Variants in RYR2 observed in about 807,000 individuals in gnomAD.
RYR2 encodes the protein ryanodine receptor 2, also known as cardiac muscle ryanodine receptor-calcium release channel.
RYR2 carries 227 observed loss-of-function variants against 601.1 expected under a neutral mutation model. That is an observed-to-expected ratio of 0.38 (90% confidence interval 0.34 to 0.42). RYR2 has a LOEUF of 0.42. RYR2 is among the 10% of genes least tolerant of loss of function. The pLI, the probability that RYR2 is intolerant of heterozygous loss-of-function variation, is 1.00. For missense variants in RYR2, 4,646 were observed against 6,156.5 expected (o/e 0.75, Z 8.21); for synonymous variants, 2,223 against 2,175.1 (o/e 1.02, Z -0.61).
rs772768256 is a variant in RYR2 at position 237,757,703 on chromosome 1, C to G, written c.11252C>G (p.Thr3751Ser). Reference protein sequence around the residue: ...LQTISASKGETGPMVAATLKL... With the variant: ...LQTISASKGESGPMVAATLKL... ...ACTTTTTTATATTTCTTAGGTGAAACTGGACCAATGGTAGCAGCTACTCTG... is the reference window on the plus strand; with the variant it reads ...ACTTTTTTATATTTCTTAGGTGAAAGTGGACCAATGGTAGCAGCTACTCTG... Residue 3751 changes from threonine to serine, a missense_variant, in exon 82 of 105, where the codon ACT becomes AGT. Around this residue, in one of 17 missense-constraint regions of RYR2, gnomAD observed 1,497 missense variants for 1,842.6 expected, o/e 0.81. Transcript: ENST00000366574. 2.5e-6 allele frequency: 4 copies of G among 1,606,614 alleles called. No homozygotes were observed. In the East Asian group the frequency reaches 8.9e-5, roughly 36 times the overall value.
At chr1:237,253,178 AAAAC>A (rs1325313782) in intron 1 of RYR2, among the ~76,000 whole-genome samples, 5 of 150,356 alleles carry the variant, frequency 3.3e-5, no homozygotes, top group Admixed American at 1.3e-4. Flanking sequence ...AAAAAAAAAA[AAAAC>A]AACAACAAAA....
intron 1 of RYR2, among the ~76,000 whole-genome samples, chr1:237,108,625 A>T (rs577371387): frequency 2.2e-4 from 34 of 152,326 alleles, no homozygotes; most frequent in African/African-American, 7.5e-4. Context: ...CATAGGAAGT[A>T]GAGAGGGCTG....
intron 48 of RYR2, among the ~76,000 whole-genome samples, chr1:237,646,097 T>C (rs1486701544): frequency 6.6e-6 from 1 of 152,140 alleles, no homozygotes; most frequent in Non-Finnish European, 1.5e-5. Flanking sequence ...CAGGATGGTC[T>C]CGATCTCCTG....
intron 71 of RYR2, among the ~76,000 whole-genome samples, chr1:237,713,558 CCA>C (rs1256700126): frequency 1.3e-5 from 2 of 151,916 alleles, no homozygotes; most frequent in African/African-American, 4.8e-5. Flanking sequence ...GCCACCATGC[CCA>C]GTTAATTTTC....
intron 14 of RYR2, among the ~76,000 whole-genome samples, chr1:237,452,746 T>C (rs1403099849): frequency 6.6e-6 from 1 of 151,400 alleles, no homozygotes; most frequent in African/African-American, 2.4e-5. Flanking sequence ...GATTCTACTA[T>C]CTTTGGATTT....
intron 4 of RYR2, among the ~76,000 whole-genome samples, chr1:237,359,611 A>T (rs1699598919): frequency 6.6e-6 from 1 of 152,298 alleles, no homozygotes; most frequent in African/African-American, 2.4e-5. Context: ...TCAAAGGTCC[A>T]TCAATCACTT....
chr1:237,534,239 C>T (rs1468015676), intron 25 of RYR2, among the ~76,000 whole-genome samples: 1 of 151,876 alleles, frequency 6.6e-6, no homozygotes, highest in Non-Finnish European at 1.5e-5. Context: ...AAGAAGGCCA[C>T]TATATGGAGA....
At chr1:237,320,442 T>C (rs1475873398) in intron 2 of RYR2, among the ~76,000 whole-genome samples, 4 of 152,176 alleles carry the variant, frequency 2.6e-5, no homozygotes, top group African/African-American at 9.7e-5. Context: ...GATGGACTTT[T>C]TGGTTACTGT....
intron 80 of RYR2, among the ~76,000 whole-genome samples, chr1:237,746,711 T>C: frequency 6.6e-6 from 1 of 152,130 alleles, no homozygotes; most frequent in East Asian, 1.9e-4. Flanking sequence ...GAGCTACTTC[T>C]CTATCAAAAG....
At chr1:237,125,215 A>C (rs1021803494) in intron 1 of RYR2, among the ~76,000 whole-genome samples, 1 of 152,132 alleles carries the variant, frequency 6.6e-6, no homozygotes, top group African/African-American at 2.4e-5. Context: ...TTACTTGGTC[A>C]CTGTGGAGAA....
At position 237,294,225 on chromosome 1, in the gene RYR2, CTTA is replaced by C. The variant is rs991680620; in HGVS notation, c.168+23614_168+23616del. ...TGGGGAAGTGAGCAAGTGTACATTT[CTTA>C]TTATATCACAGTATCACAAGAGTTA... On this transcript the variant is annotated intron_variant, in intron 2 of 104. Transcript: ENST00000366574. Among the ~76,000 whole-genome samples, 31 of 152,238 alleles carry C rather than the reference CTTA, an allele frequency of 2.0e-4. 1 individual carries two copies. Among genetic ancestry groups the C allele is most frequent in the African/African-American group, 7.5e-4 (31 of 41,548 alleles).
chr1:237,426,133 A>G (rs6674675), intron 12 of RYR2, among the ~76,000 whole-genome samples: 50,311 of 151,874 alleles, frequency 0.33, 8,803 homozygotes, highest in Admixed American at 0.37. Flanking sequence ...TTCTGAAAAG[A>G]CAGTATCCTG....
intron 8 of RYR2, among the ~76,000 whole-genome samples, chr1:237,382,077 G>T (rs1701568556): frequency 6.6e-6 from 1 of 152,074 alleles, no homozygotes; most frequent in African/African-American, 2.4e-5. Context: ...ATTTTTTTCT[G>T]TGTGTTAGGT....
chr1:237,301,023 A>G (rs1693294879), intron 2 of RYR2, among the ~76,000 whole-genome samples: 3 of 152,100 alleles, frequency 2.0e-5, no homozygotes, highest in African/African-American at 7.2e-5. Flanking sequence ...CTCCAAGCAG[A>G]AGGAAGTTGT....
At chr1:237,806,544 A>G (rs1660655458) in intron 99 of RYR2, among the ~76,000 whole-genome samples, 2 of 152,166 alleles carry the variant, frequency 1.3e-5, no homozygotes, top group Admixed American at 1.3e-4. Context: ...AAATGAAATA[A>G]AAACAAATGT....
At chr1:237,779,976 T>C (rs990649246) in intron 88 of RYR2, among the ~76,000 whole-genome samples, 1 of 152,124 alleles carries the variant, frequency 6.6e-6, no homozygotes, top group Non-Finnish European at 1.5e-5. Context: ...TTGTCAAAGT[T>C]AGTTAGTTAG....
chr1:237,112,115 CTTTT>C, intron 1 of RYR2, among the ~76,000 whole-genome samples: 1 of 152,058 alleles, frequency 6.6e-6, no homozygotes, highest in Non-Finnish European at 1.5e-5. Flanking sequence ...TTCCCCTACT[CTTTT>C]GTTTGTTTGT....
chr1:237,471,518 C>T (rs1660718825), intron 17 of RYR2, among the ~76,000 whole-genome samples: 4 of 152,198 alleles, frequency 2.6e-5, no homozygotes, highest in African/African-American at 4.8e-5. Context: ...AAAAAATGCT[C>T]ATGTCTTCTG....
In RYR2 at chr1:237,700,222, T is replaced by C. The variant is rs1466669135; in HGVS notation, c.9129-7T>C. On this transcript the variant is annotated splice_polypyrimidine_tract_variant and splice_region_variant and intron_variant, in intron 64 of 104. Transcript: ENST00000366574. ...AAGATACGAGTCCTCCCTTATTTAC[T>C]TTCTAGGACAGTGATGAAGACTGGC... is the stretch of plus-strand genomic sequence containing the variant. 7 of 1,510,942 alleles carry C rather than the reference T, an allele frequency of 4.6e-6. No homozygotes were observed. The highest frequency in any genetic ancestry group is 6.3e-6 in the Non-Finnish European group (7 of 1,109,570). The allele number at this position is 1,510,942 out of a possible 1,614,324, so 93.6% of individuals were successfully genotyped here.
Sources: gnomAD v4.1 joint callset for allele counts (sites outside exome capture counted in the v4.1 genomes callset) on GRCh38, gnomAD v4.1.1 for gene constraint, gnomAD v4.1.1 regional missense constraint, MANE v1.5 for transcripts, NCBI Gene and HGNC (gene_info 2026-07-23, HGNC 2026-07-21) for gene names.